Variants in ZDHHC24 observed in about 807,000 individuals in gnomAD.
ZDHHC24 encodes the protein probable palmitoyltransferase ZDHHC24.
In ZDHHC24, 17 loss-of-function variants were observed where a neutral mutation model predicts 23.2. The observed-to-expected ratio is 0.73, with a 90% CI of 0.50 to 1.10. The LOEUF is 1.10. ZDHHC24 is among the 50% of genes least tolerant of loss of function. ZDHHC24 has a pLI of 0.00. For synonymous variants in ZDHHC24, 186 were observed against 194.5 expected, an observed-to-expected ratio of 0.96 and a Z score of 0.36; for missense variants, 366 against 393.0, an observed-to-expected ratio of 0.93 and a Z score of 0.58.
At chr11:66,526,742 T>G (rs1856521119) in intron 4 of ZDHHC24, 3 of 1,614,038 alleles carry the variant, frequency 1.9e-6, no homozygotes, top group Non-Finnish European at 2.5e-6. Flanking sequence ...GCCATGAAAC[T>G]CAATGTGCCC....
exon 5 of ZDHHC24, chr11:66,521,123 C>A: frequency 1.4e-6 from 1 of 710,460 alleles, no homozygotes; most frequent in African/African-American, 1.8e-5. Context: ...CCCAAGTTTC[C>A]CTCCTGAAAA....
Position 66,538,897 on chromosome 11 carries a change from G to C in ZDHHC24, c.*632C>G, listed in dbSNP as rs975397253. On this transcript the variant is annotated 3_prime_UTR_variant, in exon 3 of 3. Coordinates refer to ENST00000310442, the MANE Select transcript of ZDHHC24 (RefSeq NM_207340.3). ...GGTAAAGGCAAAAGCACAAAGACCTGGGTTGGACCCTGCCTCCATTTGCCG... is the reference window on the plus strand; with the variant it reads ...GGTAAAGGCAAAAGCACAAAGACCTCGGTTGGACCCTGCCTCCATTTGCCG... The C allele has an allele frequency of 2.6e-5, 4 of 152,208 alleles. No individual in the cohort carries two copies. The South Asian group carries it at 8.3e-4, about 32-fold the overall frequency. The allele number at this position is 152,208 out of a possible 1,614,324, so 9.4% of individuals were successfully genotyped here.
intron 4 of ZDHHC24, among the ~76,000 whole-genome samples, chr11:66,525,590 CTG>C (rs930810062): frequency 2.0e-4 from 31 of 152,214 alleles, no homozygotes; most frequent in African/African-American, 6.5e-4. Flanking sequence ...ACAAGTGAAA[CTG>C]TGTATGTGTG....
chr11:66,526,741 C>T (rs1333967233), intron 4 of ZDHHC24: 22 of 1,614,114 alleles, frequency 1.4e-5, no homozygotes, highest in Non-Finnish European at 1.8e-5. Context: ...GGCCATGAAA[C>T]TCAATGTGCC....
intron 4 of ZDHHC24, among the ~76,000 whole-genome samples, chr11:66,524,555 A>C (rs1040178453): frequency 1.3e-5 from 2 of 152,196 alleles, no homozygotes; most frequent in African/African-American, 4.8e-5. Context: ...ACTGGGCCTC[A>C]GAACAGTTTG....
At chr11:66,533,818 A>C (rs1410525287), downstream of ZDHHC24, among the ~76,000 whole-genome samples, 2 of 152,082 alleles carry the variant, frequency 1.3e-5, no homozygotes, top group Non-Finnish European at 2.9e-5. Context: ...ATGGCTTCCT[A>C]TTTCTCAGTT....
intron 3 of ZDHHC24, chr11:66,529,259 AG>A (rs1856658087): frequency 6.6e-7 from 1 of 1,526,674 alleles, no homozygotes; most frequent in African/African-American, 1.4e-5. Context: ...GTGAGATGTG[AG>A]GGGTGGACCT....
downstream of ZDHHC24, chr11:66,531,109 G>A: frequency 6.4e-7 from 1 of 1,574,002 alleles, no homozygotes; most frequent in Non-Finnish European, 8.6e-7. Context: ...AGCCCCGCCA[G>A]GTCAGGGTCA....
intron 1 of ZDHHC24, among the ~76,000 whole-genome samples, chr11:66,544,530 A>G (rs1466855978): frequency 1.3e-5 from 2 of 152,148 alleles, no homozygotes; most frequent in African/African-American, 4.8e-5. Context: ...TTCTGGGAAC[A>G]TACATGCTGG....
chr11:66,530,330 G>A (rs1856719704), intron 2 of ZDHHC24, among the ~76,000 whole-genome samples: 1 of 152,170 alleles, frequency 6.6e-6, no homozygotes, highest in Non-Finnish European at 1.5e-5. Flanking sequence ...TAGGACTGCT[G>A]GGTACAGGGA....
chr11:66,522,719 GA>G, intron 4 of ZDHHC24: 8 of 205,100 alleles, frequency 3.9e-5, no homozygotes, highest in East Asian at 2.6e-4. Flanking sequence ...TGGTATTAGG[GA>G]TATATTGATG....
chr11:66,545,661 G>C lies in ZDHHC24; in HGVS notation c.281+62C>G. On this transcript the variant is annotated intron_variant, in intron 1 of 2. Coordinates refer to ENST00000310442, the MANE Select transcript of ZDHHC24 (RefSeq NM_207340.3). This position sits in a 1 kb window ranked among gnomAD's most constrained non-coding sequence, Gnocchi z 4.5. Reference sequence around the variant, plus strand: ...ACCCGGTTCTAACATCTCAGGTCTTGGGGCCCCTCCCCCCTGTCCAAGGCT... The same window carrying C: ...ACCCGGTTCTAACATCTCAGGTCTTCGGGCCCCTCCCCCCTGTCCAAGGCT... The C allele has an allele frequency of 1.4e-6, 2 of 1,419,782 alleles. No individual in the cohort carries two copies. Among genetic ancestry groups the C allele is most frequent in the Non-Finnish European group, 1.8e-6 (2 of 1,091,808 alleles). The allele number at this position is 1,419,782 out of a possible 1,614,324, so 87.9% of individuals were successfully genotyped here.
In ZDHHC24 at chr11:66,538,969, A is replaced by G. The variant is rs1230029908; in HGVS notation, c.*560T>C. 4.6e-5 allele frequency: 7 copies of G among 152,758 alleles called. No individual in the cohort carries two copies. The highest frequency in any genetic ancestry group is 4.6e-4 in the Admixed American group (7 of 15,282). 9.5% of individuals were successfully genotyped at this position (152,758 alleles called of 1,614,324 possible). A position where few individuals can be genotyped will look rare whatever the true frequency, so the allele number is the denominator to read the frequency against. On this transcript the variant is annotated 3_prime_UTR_variant, in exon 3 of 3. Transcript: ENST00000310442. ...ATTCTTAGAGCGTAACTGCTGCCCC[A>G]TGGACCAGGTTAGCTAAGAGAGGTT...
Position 66,529,331 on chromosome 11 carries a change from G to T in ZDHHC24, c.717C>A (p.Cys239Ter). The T allele has an allele frequency of 6.5e-7, 1 of 1,535,536 alleles. No individual in the cohort carries two copies. Among genetic ancestry groups the T allele is most frequent in the Non-Finnish European group, 8.7e-7 (1 of 1,146,046 alleles). Reference sequence around the variant, plus strand: ...CAGGACCATGAGGCTGGTTTCCGCAGCATTGAGCCTGAGGTGTTGATGGGA... The same window carrying T: ...CAGGACCATGAGGCTGGTTTCCGCATCATTGAGCCTGAGGTGTTGATGGGA... The change falls in exon 3 of 5, where the codon TGC (cysteine) becomes TGA (stop). Residue 239 changes from cysteine (C) to a stop codon, truncating the protein, a stop_gained. Transcript: ENST00000526986. LOFTEE classifies it high-confidence loss of function.
chr11:66,530,443 G>T (rs1047021667), intron 2 of ZDHHC24, among the ~76,000 whole-genome samples: 1 of 152,044 alleles, frequency 6.6e-6, no homozygotes, highest in Admixed American at 6.6e-5. Flanking sequence ...AGCAGGGCTC[G>T]GACCAGCCCT....
chr11:66,521,202 G>A (rs1856198970), exon 5 of ZDHHC24: 1 of 1,187,232 alleles, frequency 8.4e-7, no homozygotes, highest in South Asian at 1.2e-5. Context: ...ACTCAGAGGA[G>A]TTACTGACAG....
At chr11:66,532,281 C>A, downstream of ZDHHC24, 3 of 561,354 alleles carry the variant, frequency 5.3e-6, no homozygotes, top group Non-Finnish European at 9.6e-6. Context: ...TCCTACTACG[C>A]CCTCCCCTCC....
exon 5 of ZDHHC24, chr11:66,521,449 T>C (rs1056605091): frequency 8.4e-7 from 1 of 1,194,626 alleles, no homozygotes. Context: ...GCTTGCAAGA[T>C]GAGAGTGGGC....
At chr11:66,526,131 GAC>G in intron 4 of ZDHHC24, 1 of 1,614,182 alleles carries the variant, frequency 6.2e-7, no homozygotes, top group Non-Finnish European at 8.5e-7. Context: ...AGGATGCAGT[GAC>G]CAGCCTTTGC....
Sources: gnomAD v4.1 joint callset for allele counts (sites outside exome capture counted in the v4.1 genomes callset) on GRCh38, gnomAD v4.1.1 for gene constraint, Gnocchi (gnomAD v3.1) non-coding constraint, MANE v1.5 for transcripts, NCBI Gene and HGNC (gene_info 2026-07-23, HGNC 2026-07-21) for gene names.